Variants in CRY1 observed in about 807,000 individuals in gnomAD.
CRY1 encodes the protein cryptochrome-1.
In CRY1, 45 loss-of-function variants were observed where a neutral mutation model predicts 76.0. The ratio of observed to expected loss-of-function variants is 0.59; its 90% CI spans 0.47 to 0.76. The LOEUF (loss-of-function observed/expected upper bound fraction) is 0.76. Ranked by LOEUF, CRY1 falls within the 30% of genes least tolerant of loss-of-function variation. The pLI is 0.00. For missense variants in CRY1, 587 were observed against 716.4 expected, an observed-to-expected ratio of 0.82 and a Z score of 2.06; for synonymous variants, 248 against 244.0, an observed-to-expected ratio of 1.02 and a Z score of -0.15.
chr12:107,082,965 A>T (rs1165465475), intron 1 of CRY1, among the ~76,000 whole-genome samples: 1 of 152,090 alleles, frequency 6.6e-6, no homozygotes, highest in Non-Finnish European at 1.5e-5. Context: ...TAATAAATAA[A>T]AGAGAGAAGA....
intron 1 of CRY1, among the ~76,000 whole-genome samples, chr12:107,077,177 A>C (rs564874162): frequency 5.3e-5 from 8 of 151,620 alleles, no homozygotes; most frequent in South Asian, 2.1e-4. Flanking sequence ...ACACACACAC[A>C]CCTCTAGAAC....
intron 1 of CRY1, among the ~76,000 whole-genome samples, chr12:107,065,055 G>A (rs1278677609): frequency 1.3e-5 from 2 of 152,188 alleles, no homozygotes; most frequent in Non-Finnish European, 2.9e-5. Flanking sequence ...CAGCACTTTG[G>A]GAGGCCAAGA....
At chr12:106,993,261 A>G (rs548924485) in intron 10 of CRY1, among the ~76,000 whole-genome samples, 1 of 152,108 alleles carries the variant, frequency 6.6e-6, no homozygotes, top group Non-Finnish European at 1.5e-5. Context: ...ATCATTGATG[A>G]TCATTTTCTA....
intron 1 of CRY1, among the ~76,000 whole-genome samples, chr12:107,040,316 C>T (rs536627549): frequency 0.019 from 1,458 of 75,196 alleles, 26 homozygotes; most frequent in African/African-American, 0.092. Flanking sequence ...GACGGAGTCT[C>T]GCTCTGTCAC....
Position 107,055,201 on chromosome 12 carries a change from T to C in CRY1, c.159-33009A>G, listed in dbSNP as rs566871171. 9.7e-4 allele frequency among the ~76,000 whole-genome samples: 148 copies of C among 152,236 alleles called. 1 individual carries two copies. Among genetic ancestry groups the C allele is most frequent in the Non-Finnish European group, 1.7e-3 (116 of 67,988 alleles). ...ATTATTTACAGCATAGTCTCTGACC[T>C]TGACGTATTTATGCTAAAAATTAAT... On this transcript the variant is annotated intron_variant, in intron 1 of 12. Transcript: ENST00000008527.
chr12:106,997,994 AACT>A lies in CRY1; in HGVS notation c.1207_1209del (p.Ser404del), dbSNP rs773622357. 2.5e-6 allele frequency: 4 copies of A among 1,614,180 alleles called. No individual in the cohort carries two copies. Among genetic ancestry groups the A allele is most frequent in the Non-Finnish European group, 3.4e-6 (4 of 1,180,004 alleles). On this transcript the variant is annotated inframe_deletion, in exon 8 of 13. Coordinates refer to ENST00000008527, the MANE Select transcript of CRY1 (RefSeq NM_004075.5). ...CAGTGAAAAAACTGTTGAAAAAAGG[AACT>A]ACAAGACAGCCACATCCAACTTCCA...
intron 1 of CRY1, among the ~76,000 whole-genome samples, chr12:107,079,818 C>CAG (rs1953301534): frequency 6.6e-6 from 1 of 152,084 alleles, no homozygotes; most frequent in Non-Finnish European, 1.5e-5. Flanking sequence ...GATTTGAAAC[C>CAG]ATGCTATGGC....
rs182481499 is a variant in CRY1, at chr12:107,063,828, C to A, written c.158+28976G>T. 2.6e-5 allele frequency among the ~76,000 whole-genome samples: 4 copies of A among 152,150 alleles called. No homozygotes were observed. The East Asian group carries it at 7.8e-4, about 29-fold the overall frequency. On this transcript the variant is annotated intron_variant, in intron 1 of 12. Coordinates refer to ENST00000008527, the MANE Select transcript of CRY1 (RefSeq NM_004075.5). Reference sequence around the variant, plus strand: ...GGCCAGGCTGGTCTCGAATCCCTGACCTCATGTGATCCACCCGCCTCAGCC... The same window carrying A: ...GGCCAGGCTGGTCTCGAATCCCTGAACTCATGTGATCCACCCGCCTCAGCC...
intron 1 of CRY1, among the ~76,000 whole-genome samples, chr12:107,042,731 C>T (rs1952811984): frequency 6.6e-6 from 1 of 152,092 alleles, no homozygotes; most frequent in Admixed American, 6.5e-5. Context: ...ATCACAGGAA[C>T]AGAAACCCTG....
At chr12:107,065,258 C>A (rs1953096324) in intron 1 of CRY1, among the ~76,000 whole-genome samples, 1 of 152,032 alleles carries the variant, frequency 6.6e-6, no homozygotes, top group South Asian at 2.1e-4. Context: ...CATGCCACTG[C>A]ACTCCAAGCC....
intron 1 of CRY1, among the ~76,000 whole-genome samples, chr12:107,040,833 G>C (rs1952790377): frequency 1.3e-5 from 2 of 151,726 alleles, no homozygotes; most frequent in Non-Finnish European, 2.9e-5. Flanking sequence ...AACCTTCCAT[G>C]AATCTCAAAT....
chr12:107,081,655 CT>C (rs1206022587), intron 1 of CRY1, among the ~76,000 whole-genome samples: 2 of 152,054 alleles, frequency 1.3e-5, no homozygotes, highest in Non-Finnish European at 2.9e-5. Flanking sequence ...GGCAACTTCT[CT>C]TCAGGAAGGT....
chr12:107,088,007 C>G (rs959173486), intron 1 of CRY1, among the ~76,000 whole-genome samples: 6 of 151,854 alleles, frequency 4.0e-5, no homozygotes, highest in Non-Finnish European at 8.8e-5. Flanking sequence ...CCTCTGCACT[C>G]CAGCCTGGGC....
intron 2 of CRY1, among the ~76,000 whole-genome samples, chr12:107,010,311 T>C (rs1313918810): frequency 6.6e-6 from 1 of 152,168 alleles, no homozygotes; most frequent in Non-Finnish European, 1.5e-5. Flanking sequence ...TTTATTAATG[T>C]TTTCAAAGAA....
intron 1 of CRY1, among the ~76,000 whole-genome samples, chr12:107,026,167 A>ATATATGTTATATATG (rs2136850623): frequency 4.7e-5 from 1 of 21,074 alleles, no homozygotes; most frequent in African/African-American, 3.0e-4. Context: ...AAATATATAT[A>ATATATGTTATATATG]TATATATTAC....
At chr12:107,028,939 G>A (rs1231914671) in intron 1 of CRY1, among the ~76,000 whole-genome samples, 4 of 152,152 alleles carry the variant, frequency 2.6e-5, no homozygotes, top group African/African-American at 9.7e-5. Context: ...TTAAAATTGT[G>A]TAAAAAATAC....
At chr12:107,002,747 GA>G (rs1952325947) in intron 3 of CRY1, among the ~76,000 whole-genome samples, 2 of 152,140 alleles carry the variant, frequency 1.3e-5, no homozygotes, top group Non-Finnish European at 2.9e-5. Context: ...TCATGGGAGG[GA>G]CCCTGTGGGA....
At chr12:107,082,817 T>C (rs1236671851) in intron 1 of CRY1, among the ~76,000 whole-genome samples, 1 of 151,986 alleles carries the variant, frequency 6.6e-6, no homozygotes, top group Non-Finnish European at 1.5e-5. Context: ...ATTCAAAAGC[T>C]AGCAGAAGAC....
chr12:107,087,714 A>C (rs1318942979), intron 1 of CRY1, among the ~76,000 whole-genome samples: 1 of 152,212 alleles, frequency 6.6e-6, no homozygotes, highest in Admixed American at 6.5e-5. Flanking sequence ...AAACTAGTTA[A>C]GATTTCTGGG....
Sources: gnomAD v4.1 joint callset for allele counts (sites outside exome capture counted in the v4.1 genomes callset) on GRCh38, gnomAD v4.1.1 for gene constraint, MANE v1.5 for transcripts, NCBI Gene and HGNC (gene_info 2026-07-23, HGNC 2026-07-21) for gene names.